RMP24: variants seen among roughly 807,000 people sequenced by gnomAD.
RMP24 encodes ribonuclease MRP protein subunit p24.
chr18:35,974,516 A>T, the RMP24 span, among the ~76,000 whole-genome samples: 4 of 152,258 alleles, frequency 2.6e-5, no homozygotes, highest in African/African-American at 9.6e-5. Context: ...TATTTAAAAA[A>T]AGAAACAAAA....
chr18:35,973,009 TA>T, the RMP24 span: 2 of 1,472,624 alleles, frequency 1.4e-6, no homozygotes. Flanking sequence ...CTTCCCTCCA[TA>T]AAAACAACAA....
At chr18:35,972,869 T>C in the RMP24 span, 1 of 1,614,176 alleles carries the variant, frequency 6.2e-7, no homozygotes, top group South Asian at 1.1e-5. Context: ...CTCACAAGTC[T>C]CTTTCTCTTT....
the RMP24 span, among the ~76,000 whole-genome samples, chr18:35,976,399 T>C: frequency 1.3e-5 from 2 of 152,174 alleles, no homozygotes; most frequent in African/African-American, 2.4e-5. Context: ...TCCATTGGCA[T>C]TTTCATCTGC....
At chr18:35,972,849 TC>T in the RMP24 span, 2 of 1,614,194 alleles carry the variant, frequency 1.2e-6, no homozygotes, top group Non-Finnish European at 1.7e-6. Context: ...GGGTAGGTGT[TC>T]CTTTGCTCCT....
At chr18:35,978,411 G>A in the RMP24 span, among the ~76,000 whole-genome samples, 1 of 152,192 alleles carries the variant, frequency 6.6e-6, no homozygotes, top group Non-Finnish European at 1.5e-5. Context: ...AGGAGTTCAA[G>A]ACCAGCCTGT....
At chr18:35,976,568 C>G in the RMP24 span, among the ~76,000 whole-genome samples, 1 of 152,050 alleles carries the variant, frequency 6.6e-6, no homozygotes, top group Admixed American at 6.6e-5. Flanking sequence ...GAAAGACAAC[C>G]TCTAGAGCTA....
At chr18:35,974,871 G>C in the RMP24 span, 4 of 1,588,624 alleles carry the variant, frequency 2.5e-6, no homozygotes, top group Non-Finnish European at 3.4e-6. Context: ...TTGCTGAATT[G>C]TGAGTTTCAT....
At chr18:35,977,415 C>T in the RMP24 span, 3 of 1,601,728 alleles carry the variant, frequency 1.9e-6, no homozygotes, top group African/African-American at 2.7e-5. Context: ...GGTAGTTGAT[C>T]ACTTGTAAAA....
chr18:35,976,154 T>C, the RMP24 span, among the ~76,000 whole-genome samples: 9 of 133,844 alleles, frequency 6.7e-5, no homozygotes, highest in Middle Eastern at 3.7e-3. Flanking sequence ...TTTTTTTTTT[T>C]TTTTTTTTTT....
chr18:35,976,138 ATTTTTTTT>A, the RMP24 span, among the ~76,000 whole-genome samples: 19 of 72,762 alleles, frequency 2.6e-4, no homozygotes, highest in African/African-American at 6.9e-4. Flanking sequence ...TGTTTTTCTG[ATTTTTTTT>A]TTTTTTTTTT....
the RMP24 span, among the ~76,000 whole-genome samples, chr18:35,974,551 G>A: frequency 6.6e-6 from 1 of 152,120 alleles, no homozygotes; most frequent in African/African-American, 2.4e-5. Flanking sequence ...GTTATTTTGT[G>A]GTAAATGCAT....
the RMP24 span, chr18:35,973,251 C>A: frequency 2.4e-6 from 1 of 422,562 alleles, no homozygotes; most frequent in Non-Finnish European, 4.4e-6. Flanking sequence ...GTACTCAGCC[C>A]TTGGACCTCT....
chr18:35,973,240 A>G, the RMP24 span: 11 of 461,264 alleles, frequency 2.4e-5, no homozygotes, highest in Non-Finnish European at 4.0e-5. Flanking sequence ...GTCGTGGCCC[A>G]GTACTCAGCC....
the RMP24 span, chr18:35,972,988 C>G: frequency 1.9e-6 from 3 of 1,559,640 alleles, no homozygotes; most frequent in South Asian, 3.3e-5. Flanking sequence ...CAAATAAGGC[C>G]GATGGACTCA....
At chr18:35,978,622 A>G in the RMP24 span, among the ~76,000 whole-genome samples, 1 of 152,224 alleles carries the variant, frequency 6.6e-6, no homozygotes, top group South Asian at 2.1e-4. Flanking sequence ...AAAAAAAAAA[A>G]TACTGAACCA....
chr18:35,976,049 T>C, the RMP24 span, among the ~76,000 whole-genome samples: 1 of 152,164 alleles, frequency 6.6e-6, no homozygotes, highest in African/African-American at 2.4e-5. Flanking sequence ...CCTCACTATC[T>C]TGCAGTGTTT....
At chr18:35,977,281 G>A in the RMP24 span, 1 of 760,914 alleles carries the variant, frequency 1.3e-6, no homozygotes, top group South Asian at 2.7e-5. Context: ...CCCAAGGACA[G>A]CCTCTATTTT....
At chr18:35,975,055 C>T in the RMP24 span, 2 of 1,613,494 alleles carry the variant, frequency 1.2e-6, no homozygotes. Flanking sequence ...TTTAAAGAAG[C>T]AAAAATGGTG....
At chr18:35,972,800 C>T in the RMP24 span, 1 of 1,614,170 alleles carries the variant, frequency 6.2e-7, no homozygotes, top group Non-Finnish European at 8.5e-7. Flanking sequence ...AAGCCCGCTA[C>T]CTCCTGTAAG....
Sources: allele counts gnomAD v4.1 joint callset (sites outside exome capture counted in the v4.1 genomes callset), GRCh38; gene constraint gnomAD v4.1.1; transcripts MANE v1.5; gene names NCBI Gene and HGNC (gene_info 2026-07-23, HGNC 2026-07-21).